SFSWAP: variants seen among roughly 807,000 people sequenced by gnomAD.
SFSWAP encodes splicing factor, suppressor of white-apricot homolog.
In SFSWAP, 17 loss-of-function variants were observed where a neutral mutation model predicts 100.7. That is an observed-to-expected ratio of 0.17 (90% CI 0.12 to 0.25). The LOEUF (loss-of-function observed/expected upper bound fraction) is 0.25. Ranked by LOEUF, SFSWAP falls within the 10% of genes least tolerant of loss-of-function variation. SFSWAP has a pLI of 1.00. For missense variants in SFSWAP, 1,005 were observed against 1,262.6 expected (o/e 0.80, Z 3.09); for synonymous variants, 504 against 510.1 (o/e 0.99, Z 0.16).
At chr12:131,742,703 G>A (rs1880765881) in intron 7 of SFSWAP, among the ~76,000 whole-genome samples, 1 of 151,922 alleles carries the variant, frequency 6.6e-6, no homozygotes. Context: ...GTGATGGACT[G>A]CATGTTAAGT....
chr12:131,759,413 G>A (rs982383412), intron 11 of SFSWAP, among the ~76,000 whole-genome samples: 1 of 152,158 alleles, frequency 6.6e-6, no homozygotes, highest in Non-Finnish European at 1.5e-5. Context: ...TAAGAAGGAT[G>A]GAAAAGTATG....
At chr12:131,737,353 G>A (rs1182614090) in intron 7 of SFSWAP, among the ~76,000 whole-genome samples, 8 of 152,204 alleles carry the variant, frequency 5.3e-5, no homozygotes, top group Admixed American at 5.2e-4. Context: ...CTGGAAGGAC[G>A]AGGTCGCAGA....
At chr12:131,755,323 C>T in intron 9 of SFSWAP, 63 bp from the exon 10 acceptor site, 1 of 1,115,166 alleles carries the variant, frequency 9.0e-7, no homozygotes, top group Non-Finnish European at 1.4e-6. Flanking sequence ...GAGAACAGGG[C>T]CTGTTGTTAC....
Position 131,714,250 on chromosome 12 carries a change from A to G in SFSWAP, c.388+10A>G, listed in dbSNP as rs1327577032. On this transcript the variant is annotated intron_variant, in intron 2 of 17. Transcript: ENST00000261674. The surrounding 1 kb of genome is among the most constrained non-coding windows in gnomAD (Gnocchi z 6.0). ...GAGGAGGCAAGGCAAGGTACTGCTCAAGACAAACTTACTTCAGCAACAAAC... is the reference window on the plus strand; with the variant it reads ...GAGGAGGCAAGGCAAGGTACTGCTCGAGACAAACTTACTTCAGCAACAAAC... 5 of 1,585,098 alleles carry G rather than the reference A, an allele frequency of 3.2e-6. No homozygotes were observed. The highest frequency in any genetic ancestry group is 4.3e-6 in the Non-Finnish European group (5 of 1,165,842).
intron 7 of SFSWAP, among the ~76,000 whole-genome samples, chr12:131,744,503 A>G (rs1378685890): frequency 2.6e-5 from 4 of 152,206 alleles, no homozygotes; most frequent in Non-Finnish European, 4.4e-5. Context: ...ATCTCCATCT[A>G]AGACCACCTC....
At chr12:131,769,973 G>T (rs921002568) in intron 13 of SFSWAP, among the ~76,000 whole-genome samples, 1 of 152,180 alleles carries the variant, frequency 6.6e-6, no homozygotes, top group African/African-American at 2.4e-5. Flanking sequence ...GGATATATGT[G>T]TGTGTCTGTG....
intron 13 of SFSWAP, 138 bp from the exon 14 acceptor site, chr12:131,777,927 A>G (rs2136255492): frequency 7.2e-7 from 1 of 1,393,982 alleles, no homozygotes; most frequent in South Asian, 1.5e-5. Flanking sequence ...GTCACTCTGG[A>G]TAGCCACAGG....
Position 131,733,725 on chromosome 12 carries a change from C to T in SFSWAP, c.1081+5297C>T, listed in dbSNP as rs1879730552. Among the ~76,000 whole-genome samples the T allele has an allele frequency of 6.6e-6, 1 of 152,094 alleles. No homozygotes were observed. The highest frequency in any genetic ancestry group is 6.5e-5 in the Admixed American group (1 of 15,274). On this transcript the variant is annotated intron_variant, in intron 7 of 17. Transcript: ENST00000261674. The surrounding 1 kb of genome is among the most constrained non-coding windows in gnomAD (Gnocchi z 5.1). The stretch of plus-strand genomic sequence containing the variant: ...CAGGACAGGCACAGAGGACTCCACC[C>T]TGGAGTCACAGGCTTGGTGAGGTGG...
At position 131,764,669 on chromosome 12, in the gene SFSWAP, A is replaced by T. The variant is rs1882964905; in HGVS notation, c.1934A>T (p.Glu645Val). 1 of 1,612,612 alleles carries T rather than the reference A, an allele frequency of 6.2e-7. No individual in the cohort carries two copies. Among genetic ancestry groups the T allele is most frequent in the Admixed American group, 1.7e-5 (1 of 59,930 alleles). Reference sequence around the variant, plus strand: ...AAGAAGCCTCAACTTACCCAGGAGGAGCTAGAAGCAAAGCAAGGTTTGTTG... The same window carrying T: ...AAGAAGCCTCAACTTACCCAGGAGGTGCTAGAAGCAAAGCAAGGTTTGTTG... ...EEKKPQLTQE[E>V]LEAKQAKQKL... Residue 645 changes from glutamate to valine, a missense_variant, in exon 12 of 18, where the codon GAG (glutamate) becomes GTG (valine). Around this residue, in one of 7 missense-constraint regions of SFSWAP, gnomAD observed 82 missense variants for 131.0 expected, o/e 0.63. Transcript: ENST00000261674.
chr12:131,759,615 C>G lies in SFSWAP; in HGVS notation c.1720+2971C>G, dbSNP rs530701618. 2.6e-3 allele frequency among the ~76,000 whole-genome samples: 401 copies of G among 151,532 alleles called. 4 individuals carry two copies. The highest frequency in any genetic ancestry group is 7.7e-3 in the African/African-American group (319 of 41,264). ...GAGATCGAGACCATCCTGGCTAACA[C>G]GGTGAAACCCCGTCTCTACTAAAAA... On this transcript the variant is annotated intron_variant, in intron 11 of 17. Coordinates refer to ENST00000261674, the MANE Select transcript of SFSWAP (RefSeq NM_004592.4).
In SFSWAP at chr12:131,711,112, C is replaced by G; in HGVS notation, c.-118C>G. 1.3e-6 allele frequency: 1 copy of G among 775,290 alleles called. No individual in the cohort carries two copies. Among genetic ancestry groups the G allele is most frequent in the African/African-American group, 1.8e-5 (1 of 56,878 alleles). 48.0% of individuals were successfully genotyped at this position (775,290 alleles called of 1,614,324 possible). On this transcript the variant is annotated 5_prime_UTR_variant, in exon 1 of 18. Coordinates refer to ENST00000261674, the MANE Select transcript of SFSWAP (RefSeq NM_004592.4). The surrounding 1 kb of genome is among the most constrained non-coding windows in gnomAD (Gnocchi z 4.9). ...ACCATTTTGTGGCCCGCTATGGCGG[C>G]GGTGTTGAGGTTGGGTACGGGATGC... is the stretch of plus-strand genomic sequence containing the variant.
chr12:131,714,879 TG>T lies in SFSWAP; in HGVS notation c.450del (p.Phe151SerfsTer31). 1 of 1,614,040 alleles carries T rather than the reference TG, an allele frequency of 6.2e-7. No individual in the cohort carries two copies. Among genetic ancestry groups the T allele is most frequent in the Non-Finnish European group, 8.5e-7 (1 of 1,179,964 alleles). ...ALAEDGSYNAVGFTYGSDYYD... is the reference protein window; with the variant it reads ...ALAEDGSYNAXGFTYGSDYYD... Reference sequence around the variant, plus strand: ...GCAGAGGATGGGAGCTACAATGCCGTGGGGTTCACTTACGGTAGCGACTATT... The same window carrying T: ...GCAGAGGATGGGAGCTACAATGCCGTGGGTTCACTTACGGTAGCGACTATT... On this transcript the variant is annotated frameshift_variant, in exon 3 of 18. Coordinates refer to ENST00000261674, the MANE Select transcript of SFSWAP (RefSeq NM_004592.4). LOFTEE classifies it high-confidence loss of function. The surrounding 1 kb of genome is among the most constrained non-coding windows in gnomAD (Gnocchi z 6.0).
chr12:131,770,312 G>A (rs377050265), intron 13 of SFSWAP, among the ~76,000 whole-genome samples: 13 of 152,342 alleles, frequency 8.5e-5, no homozygotes, highest in African/African-American at 2.9e-4. Flanking sequence ...GGAAGCCTGC[G>A]TGGCTGAGGG....
At chr12:131,722,722 A>G (rs551913299) in intron 4 of SFSWAP, among the ~76,000 whole-genome samples, 2 of 151,926 alleles carry the variant, frequency 1.3e-5, no homozygotes, top group East Asian at 3.9e-4. Context: ...CCGAGGTGGG[A>G]GAATCGCTTG....
chr12:131,788,714 C>T (rs900124273), intron 15 of SFSWAP, among the ~76,000 whole-genome samples: 22 of 151,820 alleles, frequency 1.4e-4, no homozygotes, highest in African/African-American at 4.8e-4. Context: ...CTCCTGGCCT[C>T]GAGTGATCAA....
rs561607085 is a variant in SFSWAP at position 131,789,679 on chromosome 12, G to A, written c.2534+3091G>A. Among the ~76,000 whole-genome samples, 212 of 144,298 alleles carry A rather than the reference G, an allele frequency of 1.5e-3. 1 individual carries two copies. Among genetic ancestry groups the A allele is most frequent in the Middle Eastern group, 7.0e-3 (2 of 284 alleles). 94.7% of individuals were successfully genotyped at this position (144,298 alleles called of 152,430 possible). A position where few individuals can be genotyped will look rare whatever the true frequency, so the allele number is the denominator to read the frequency against. On this transcript the variant is annotated intron_variant, in intron 15 of 17. Coordinates refer to ENST00000261674, the MANE Select transcript of SFSWAP (RefSeq NM_004592.4). The stretch of plus-strand genomic sequence containing the variant: ...ACTCCCCTCCCTCCCTCCTCCGTTC[G>A]TGTGTGTATTTCATGACCTTGGCAT...
chr12:131,741,949 G>A (rs1017840149), intron 7 of SFSWAP, among the ~76,000 whole-genome samples: 1 of 152,100 alleles, frequency 6.6e-6, no homozygotes, highest in African/African-American at 2.4e-5. Context: ...CTTCCCTGGT[G>A]TGCAAGCCTG....
chr12:131,720,419 TTA>T (rs1363332295), intron 4 of SFSWAP, among the ~76,000 whole-genome samples: 2 of 152,222 alleles, frequency 1.3e-5, no homozygotes, highest in Non-Finnish European at 2.9e-5. Flanking sequence ...TATGGGATTT[TTA>T]TATGTTTACT....
At chr12:131,719,643 A>G (rs181740366) in intron 4 of SFSWAP, 104 bp downstream of exon 4, 1 of 875,238 alleles carries the variant, frequency 1.1e-6, no homozygotes, top group African/African-American at 1.7e-5. Flanking sequence ...TTTTAGGCAT[A>G]TAATGCTTTA....
Sources: allele counts gnomAD v4.1 joint callset (sites outside exome capture counted in the v4.1 genomes callset), GRCh38; gene constraint gnomAD v4.1.1; regional missense constraint gnomAD v4.1.1; non-coding constraint Gnocchi (gnomAD v3.1); transcripts MANE v1.5; gene names NCBI Gene and HGNC (gene_info 2026-07-23, HGNC 2026-07-21).